Variants in SLC3A1 observed in about 807,000 individuals in gnomAD.
The protein encoded by SLC3A1 is solute carrier family 3 member 1.
In SLC3A1, 78 loss-of-function variants were observed where a neutral mutation model predicts 60.3. The observed-to-expected ratio is 1.29, with a 90% CI of 1.08 to 1.56. SLC3A1 has a LOEUF of 1.56. Among genes scored for constraint, SLC3A1 ranks in the 40% most tolerant of loss-of-function variants. The probability of loss-of-function intolerance (pLI) is 0.00; values close to 1 mark genes in which losing one functional copy is unlikely to be tolerated. For synonymous variants in SLC3A1, 392 were observed against 307.9 expected (o/e 1.27, Z -2.86); for missense variants, 1,172 against 858.9 (o/e 1.36, Z -4.56).
chr2:44,285,136 A>G (rs1234425408), intron 3 of SLC3A1: 1 of 152,332 alleles, frequency 6.6e-6, no homozygotes, highest in Non-Finnish European at 1.5e-5. Context: ...TATGTACACT[A>G]AAAATCTCTT....
intron 1 of SLC3A1, among the ~76,000 whole-genome samples, chr2:44,277,404 G>T (rs137984437): frequency 6.6e-5 from 10 of 152,054 alleles, no homozygotes; most frequent in African/African-American, 2.4e-4. Context: ...CACCGCATCC[G>T]GCTGTATCAT....
In SLC3A1 at chr2:44,320,426, C is replaced by T. The variant is rs757852597; in HGVS notation, c.1845C>T (p.Pro615=). ...LNLHNMISGL[P]AKMRIRLSTN... ...TACATAATATGATTTCGGGCCTTCC[C>T]GCTAAAATGAGAATAAGGTTAAGTA... Residue 615 remains proline (P), a synonymous_variant, in exon 10 of 10, where the codon CCC becomes CCT. Transcript: ENST00000260649. 26 of 1,613,858 alleles carry T rather than the reference C, an allele frequency of 1.6e-5. No individual in the cohort carries two copies. Among genetic ancestry groups the T allele is most frequent in the East Asian group, 6.7e-5 (3 of 44,878 alleles).
intron 7 of SLC3A1, among the ~76,000 whole-genome samples, chr2:44,308,618 T>A: frequency 6.6e-6 from 1 of 152,236 alleles, no homozygotes. Context: ...CATTATTGGA[T>A]TCTTCATTAT....
At chr2:44,315,163 A>G (rs1672397761) in intron 9 of SLC3A1, 1 of 151,854 alleles carries the variant, frequency 6.6e-6, no homozygotes, top group African/African-American at 2.4e-5. Context: ...GGCTGGTTTC[A>G]AACTCCTGAT....
intron 7 of SLC3A1, among the ~76,000 whole-genome samples, chr2:44,305,225 C>T (rs1672122714): frequency 6.6e-6 from 1 of 152,196 alleles, no homozygotes; most frequent in African/African-American, 2.4e-5. Flanking sequence ...AGTATTCTCA[C>T]TTCCACACCC....
At position 44,275,774 on chromosome 2, in the gene SLC3A1, C is replaced by T. The variant is rs1671328141; in HGVS notation, c.239C>T (p.Ala80Val). Residue 80 changes from alanine (A) to valine (V), a missense_variant, in exon 1 of 10, where the codon GCC (alanine) becomes GTC (valine). Physicochemically the swap from Ala to Val is moderately conservative, Grantham distance 64. Coordinates refer to ENST00000260649, the MANE Select transcript of SLC3A1 (RefSeq NM_000341.4). ...GTGCTGTTCCAGTTCTCTGGCCAGG[C>T]CCGCTACCGCATACCTCGGGAGATC... Reference protein sequence around the residue: ...KEVLFQFSGQARYRIPREILF... With the variant: ...KEVLFQFSGQVRYRIPREILF... 6.2e-7 allele frequency: 1 copy of T among 1,614,258 alleles called. No homozygotes were observed. Among genetic ancestry groups the T allele is most frequent in the Non-Finnish European group, 8.5e-7 (1 of 1,180,048 alleles).
intron 4 of SLC3A1, among the ~76,000 whole-genome samples, chr2:44,289,595 G>A (rs952974518): frequency 1.4e-4 from 21 of 151,968 alleles, no homozygotes; most frequent in African/African-American, 5.1e-4. Flanking sequence ...GGTGCCTTTT[G>A]AAGCACAAGC....
chr2:44,280,411 G>C (rs1268880332), intron 1 of SLC3A1, among the ~76,000 whole-genome samples: 1 of 151,934 alleles, frequency 6.6e-6, no homozygotes, highest in Admixed American at 6.6e-5. Context: ...GCTAATTTTT[G>C]TATTTTTAAT....
chr2:44,282,124 G>A (rs1469499029), intron 3 of SLC3A1, among the ~76,000 whole-genome samples: 2 of 151,886 alleles, frequency 1.3e-5, no homozygotes, highest in East Asian at 1.9e-4. Flanking sequence ...CACCTGCCTC[G>A]GCCTCCCAAA....
Position 44,299,951 on chromosome 2 carries a change from T to G in SLC3A1, c.892-20T>G. 1.2e-6 allele frequency: 2 copies of G among 1,613,638 alleles called. No homozygotes were observed. The highest frequency in any genetic ancestry group is 1.7e-6 in the Non-Finnish European group (2 of 1,179,640). Reference sequence around the variant, plus strand: ...ATAACGTAGTTAATGTAACCAAGCATTTTGCTTCTTCATCTTTAGGAAATT... The same window carrying G: ...ATAACGTAGTTAATGTAACCAAGCAGTTTGCTTCTTCATCTTTAGGAAATT... On this transcript the variant is annotated intron_variant, in intron 4 of 9. Coordinates refer to ENST00000260649, the MANE Select transcript of SLC3A1 (RefSeq NM_000341.4).
intron 1 of SLC3A1, among the ~76,000 whole-genome samples, chr2:44,277,299 G>A (rs549807039): frequency 4.6e-5 from 7 of 151,838 alleles, no homozygotes; most frequent in Non-Finnish European, 8.8e-5. Flanking sequence ...TAGAGACGAG[G>A]GTTCTCCATG....
At chr2:44,290,570 T>C (rs933981885) in intron 4 of SLC3A1, among the ~76,000 whole-genome samples, 8 of 152,218 alleles carry the variant, frequency 5.3e-5, no homozygotes, top group African/African-American at 1.9e-4. Context: ...GAGATGTCTT[T>C]CCATTTATTT....
chr2:44,302,571 C>G (rs1053448088), intron 6 of SLC3A1, among the ~76,000 whole-genome samples: 2 of 152,184 alleles, frequency 1.3e-5, no homozygotes, highest in Non-Finnish European at 2.9e-5. Flanking sequence ...GCTCCAGAGA[C>G]CATGCACTTA....
At chr2:44,321,939 T>C, downstream of SLC3A1, 2 of 1,580,742 alleles carry the variant, frequency 1.3e-6, no homozygotes, top group African/African-American at 1.4e-5. Flanking sequence ...GAAGATTGTA[T>C]GGGATCTTCT....
intron 4 of SLC3A1, among the ~76,000 whole-genome samples, chr2:44,299,289 T>G (rs1054198909): frequency 6.6e-6 from 1 of 152,232 alleles, no homozygotes; most frequent in African/African-American, 2.4e-5. Context: ...TCCGCCTGCC[T>G]CGGCCTCCCA....
chr2:44,321,350 AGT>A lies in SLC3A1; in HGVS notation c.*714_*715del. 6.3e-7 allele frequency: 1 copy of A among 1,592,330 alleles called. No homozygotes were observed. The highest frequency in any genetic ancestry group is 8.6e-7 in the Non-Finnish European group (1 of 1,160,916). ...GTGTTTCCAATTCCCAGTTGAATGC[AGT>A]GTTTCAGAATTTCAGGTATTTCTTA... On this transcript the variant is annotated 3_prime_UTR_variant, in exon 10 of 10. Transcript: ENST00000260649.
At position 44,286,230 on chromosome 2, in the gene SLC3A1, C is replaced by A; in HGVS notation, c.891+73C>A. Reference sequence around the variant, plus strand: ...TATTTATTTAAAACACTTTATATTGCACAGTAATTGTGTAGGCAAAATCAA... The same window carrying A: ...TATTTATTTAAAACACTTTATATTGAACAGTAATTGTGTAGGCAAAATCAA... On this transcript the variant is annotated intron_variant, in intron 4 of 9. Coordinates refer to ENST00000260649, the MANE Select transcript of SLC3A1 (RefSeq NM_000341.4). The A allele has an allele frequency of 4.2e-6, 6 of 1,440,432 alleles. 2 individuals carry two copies. Among genetic ancestry groups the A allele is most frequent in the South Asian group, 2.3e-5 (2 of 86,998 alleles). 89.2% of individuals were successfully genotyped at this position (1,440,432 alleles called of 1,614,324 possible).
At chr2:44,276,478 G>T (rs1031828269) in intron 1 of SLC3A1, among the ~76,000 whole-genome samples, 1 of 152,116 alleles carries the variant, frequency 6.6e-6, no homozygotes, top group Non-Finnish European at 1.5e-5. Flanking sequence ...TTCTAAAAAA[G>T]GAAGGGAAGT....
At chr2:44,309,194 A>C (rs1444782009) in intron 7 of SLC3A1, among the ~76,000 whole-genome samples, 1 of 152,214 alleles carries the variant, frequency 6.6e-6, no homozygotes, top group East Asian at 1.9e-4. Flanking sequence ...GAAAATCTGT[A>C]CCCACTAAAC....
Sources: gnomAD v4.1 joint callset for allele counts (sites outside exome capture counted in the v4.1 genomes callset) on GRCh38, gnomAD v4.1.1 for gene constraint, MANE v1.5 for transcripts, NCBI Gene and HGNC (gene_info 2026-07-23, HGNC 2026-07-21) for gene names.